The following PRR14L variants were observed in gnomAD, a reference collection of about 807,000 sequenced individuals.
PRR14L encodes the protein proline rich 14 like.
Under a neutral mutation model 155.0 loss-of-function variants are expected in PRR14L, and 80 were observed. The observed-to-expected ratio is 0.52, with a 90% CI of 0.43 to 0.62. PRR14L has a LOEUF of 0.62. PRR14L is among the 20% of genes least tolerant of loss of function. The pLI, the probability that PRR14L is intolerant of heterozygous loss-of-function variation, is 0.00. For missense variants in PRR14L, 2,469 were observed against 2,548.0 expected (o/e 0.97, Z 0.67); for synonymous variants, 883 against 916.0 (o/e 0.96, Z 0.65).
At position 31,713,600 on chromosome 22, in the gene PRR14L, C is replaced by T. The variant is rs892164306; in HGVS notation, c.4239G>A (p.Thr1413=). The change falls in exon 4 of 9, where the codon ACG becomes ACA. Residue 1413 remains threonine, a synonymous_variant. Coordinates refer to ENST00000327423, the MANE Select transcript of PRR14L (RefSeq NM_173566.3). ...EKYIRQQKAH[T]ISQQCISSSL... Reference sequence around the variant, plus strand: ...TAGATGATATGCACTGTTGCGATATCGTATGTGCTTTTTGTTGACGTATAT... The same window carrying T: ...TAGATGATATGCACTGTTGCGATATTGTATGTGCTTTTTGTTGACGTATAT... 60 of 1,551,858 alleles carry T rather than the reference C, an allele frequency of 3.9e-5. No homozygotes were observed. The East Asian group carries it at 7.8e-4, about 20-fold the overall frequency.
intron 4 of PRR14L, among the ~76,000 whole-genome samples, chr22:31,710,637 G>A (rs1032714574): frequency 6.6e-6 from 1 of 151,878 alleles, no homozygotes; most frequent in Non-Finnish European, 1.5e-5. Context: ...TGTATTTTTA[G>A]TAGAAACGGG....
At chr22:31,711,850 G>C (rs1255757935) in intron 4 of PRR14L, among the ~76,000 whole-genome samples, 2 of 147,208 alleles carry the variant, frequency 1.4e-5, no homozygotes, top group African/African-American at 5.0e-5. Flanking sequence ...ACAGAAAAAA[G>C]AATGGTGTGA....
Position 31,713,091 on chromosome 22 carries a change from G to A in PRR14L, c.4748C>T (p.Thr1583Ile). The A allele has an allele frequency of 6.4e-7, 1 of 1,552,334 alleles. No individual in the cohort carries two copies. Among genetic ancestry groups the A allele is most frequent in the South Asian group, 1.2e-5 (1 of 84,052 alleles). Residue 1583 changes from threonine to isoleucine, a missense_variant, in exon 4 of 9, where the codon ACC (threonine) becomes ATC (isoleucine). Physicochemically the swap from Thr to Ile is moderately conservative, Grantham distance 89 (BLOSUM62 -1). Coordinates refer to ENST00000327423, the MANE Select transcript of PRR14L (RefSeq NM_173566.3). The stretch of plus-strand genomic sequence containing the variant: ...TGGTATGTGACTAACCAAGCTCTTG[G>A]TAGGTGCTGTTTCAGGTTCTAATCG... Reference protein sequence around the residue: ...PTRLEPETAPTKSLVSHIPKQ... With the variant: ...PTRLEPETAPIKSLVSHIPKQ...
intron 6 of PRR14L, 58 bp downstream of exon 6, chr22:31,703,492 T>G (rs2074573497): frequency 6.6e-7 from 1 of 1,526,302 alleles, no homozygotes; most frequent in Non-Finnish European, 8.9e-7. Context: ...CGATGTGAGT[T>G]GACAATGGCC....
At chr22:31,705,430 A>G (rs895472014) in intron 4 of PRR14L, among the ~76,000 whole-genome samples, 8 of 151,882 alleles carry the variant, frequency 5.3e-5, no homozygotes, top group Admixed American at 3.9e-4. Flanking sequence ...CTGGAGTGCA[A>G]TGGTGTGATC....
chr22:31,722,526 T>C (rs1169091765), intron 3 of PRR14L, among the ~76,000 whole-genome samples: 1 of 147,440 alleles, frequency 6.8e-6, no homozygotes, highest in South Asian at 2.2e-4. Context: ...ATCATTCAGT[T>C]TTTTTTTTTT....
At chr22:31,692,975 AG>A (rs2074518542) in intron 7 of PRR14L, among the ~76,000 whole-genome samples, 2 of 152,166 alleles carry the variant, frequency 1.3e-5, no homozygotes, top group African/African-American at 2.4e-5. Context: ...TTTTTATAGT[AG>A]TTTTATGTTC....
At chr22:31,724,965 C>T (rs1180798006) in intron 3 of PRR14L, among the ~76,000 whole-genome samples, 1 of 152,200 alleles carries the variant, frequency 6.6e-6, no homozygotes, top group African/African-American at 2.4e-5. Flanking sequence ...CCTGACCCCA[C>T]AGAACAAGAA....
At chr22:31,722,593 G>A (rs973744403) in intron 3 of PRR14L, among the ~76,000 whole-genome samples, 7 of 147,572 alleles carry the variant, frequency 4.7e-5, no homozygotes, top group South Asian at 2.2e-4. Flanking sequence ...AGCGATCCCC[G>A]CTCACTGCAA....
rs370177701 is a variant in PRR14L at position 31,703,610 on chromosome 22, C to T, written c.5940G>A (p.Glu1980=). The change falls in exon 6 of 9, where the codon GAG becomes GAA. Residue 1980 remains glutamate (E), a synonymous_variant. Transcript: ENST00000327423. ...ASEFQVRGLD[E]LDGVKAACPC... is the part of the protein sequence containing the mutation. The stretch of plus-strand genomic sequence containing the variant: ...GGCATGCTGCTTTCACACCATCCAG[C>T]TCATCCAATCCACGAACCTGGAACT... The T allele has an allele frequency of 1.4e-4, 223 of 1,613,982 alleles. 3 individuals carry two copies. The South Asian group carries it at 2.4e-3, about 17-fold the overall frequency.
intron 2 of PRR14L, among the ~76,000 whole-genome samples, chr22:31,729,926 C>T (rs1256758739): frequency 6.6e-6 from 1 of 152,042 alleles, no homozygotes; most frequent in African/African-American, 2.4e-5. Flanking sequence ...GTAATCCCAG[C>T]ACTATGGGAG....
intron 6 of PRR14L, among the ~76,000 whole-genome samples, chr22:31,702,806 G>A (rs911244445): frequency 6.6e-6 from 1 of 150,594 alleles, no homozygotes; most frequent in African/African-American, 2.5e-5. Context: ...GTGAGCCACC[G>A]TGCCCGGCCT....
chr22:31,698,543 A>G (rs2074546733), intron 7 of PRR14L, among the ~76,000 whole-genome samples: 1 of 152,032 alleles, frequency 6.6e-6, no homozygotes, highest in African/African-American at 2.4e-5. Context: ...TCAAAAAAAA[A>G]AAAGAAAGCA....
intron 4 of PRR14L, among the ~76,000 whole-genome samples, chr22:31,709,723 T>G (rs894572111): frequency 6.6e-6 from 1 of 151,166 alleles, no homozygotes; most frequent in Non-Finnish European, 1.5e-5. Flanking sequence ...GTATTTTTAG[T>G]AGGGACAGGG....
At chr22:31,718,027 A>G (rs2074669616) in intron 3 of PRR14L, among the ~76,000 whole-genome samples, 1 of 150,154 alleles carries the variant, frequency 6.7e-6, no homozygotes, top group Non-Finnish European at 1.5e-5. Context: ...TCCTGGGTTC[A>G]AGCAATTCTC....
Position 31,684,289 on chromosome 22 carries a change from CAAAG to C in PRR14L, c.*1234_*1237del, listed in dbSNP as rs2074470643. On this transcript the variant is annotated 3_prime_UTR_variant, in exon 9 of 9. Transcript: ENST00000327423. Reference sequence around the variant, plus strand: ...GCCCAGAGTACAATGAGGTGGCCCTCAAAGAAGGCTGGCTGGGGATTTTTGAGAT... The same window carrying C: ...GCCCAGAGTACAATGAGGTGGCCCTCAAGGCTGGCTGGGGATTTTTGAGAT... 6.6e-6 allele frequency: 1 copy of C among 152,242 alleles called. No homozygotes were observed. Among genetic ancestry groups the C allele is most frequent in the African/African-American group, 2.4e-5 (1 of 41,440 alleles). The allele number at this position is 152,242 out of a possible 1,614,324, so 9.4% of individuals were successfully genotyped here.
chr22:31,715,340 G>C lies in PRR14L; in HGVS notation c.2499C>G (p.His833Gln), dbSNP rs1392816250. The C allele has an allele frequency of 1.9e-6, 3 of 1,551,954 alleles. No homozygotes were observed. Among genetic ancestry groups the C allele is most frequent in the Non-Finnish European group, 2.6e-6 (3 of 1,147,080 alleles). ...CAGAGTGTCCTGTTCCTTGGCAGCA[G>C]TGATCACGGTGCTGAAATGCATTTT... ...KYENAFQHRD[H>Q]CCQGTGHSVE... Residue 833 changes from histidine to glutamine, a missense_variant, in exon 4 of 9, where the codon CAC (histidine) becomes CAG (glutamine). Coordinates refer to ENST00000327423, the MANE Select transcript of PRR14L (RefSeq NM_173566.3).
At chr22:31,745,130 C>A (rs1265864488) in intron 1 of PRR14L, among the ~76,000 whole-genome samples, 1 of 152,214 alleles carries the variant, frequency 6.6e-6, no homozygotes, top group Non-Finnish European at 1.5e-5. Context: ...GTAATCCCAG[C>A]ACTTTGGGAG....
intron 1 of PRR14L, among the ~76,000 whole-genome samples, chr22:31,747,205 G>C (rs906190161): frequency 6.6e-6 from 1 of 151,490 alleles, no homozygotes; most frequent in African/African-American, 2.4e-5. Flanking sequence ...CTGCCTCCCA[G>C]GTTCAAGCGA....
Sources: allele counts gnomAD v4.1 joint callset (sites outside exome capture counted in the v4.1 genomes callset), GRCh38; gene constraint gnomAD v4.1.1; transcripts MANE v1.5; gene names NCBI Gene and HGNC (gene_info 2026-07-23, HGNC 2026-07-21).